NF1: variants seen among roughly 807,000 people sequenced by gnomAD.
NF1 encodes the protein neurofibromin 1, also known as neurofibromin.
NF1 carries 122 observed loss-of-function variants against 325.7 expected under a neutral mutation model. The ratio of observed to expected loss-of-function variants is 0.37; its 90% CI spans 0.32 to 0.44. NF1 has a LOEUF of 0.44. Among genes scored for constraint, NF1 ranks in the 20% least tolerant of loss-of-function variants. NF1 has a pLI of 1.00. For missense variants in NF1, 2,140 were observed against 3,415.4 expected (o/e 0.63, Z 9.31); for synonymous variants, 1,091 against 1,186.0 (o/e 0.92, Z 1.65).
intron 48 of NF1, among the ~76,000 whole-genome samples, chr17:31,345,046 C>T (rs755949484): frequency 3.9e-5 from 6 of 152,174 alleles, no homozygotes; most frequent in Non-Finnish European, 5.9e-5. Context: ...TCGCTTGAAC[C>T]TGGGAGGCAG....
intron 7 of NF1, 136 bp from the exon 8 acceptor site, chr17:31,182,372 G>T: frequency 2.7e-6 from 2 of 738,164 alleles, no homozygotes; most frequent in Non-Finnish European, 4.6e-6. Context: ...ATGCATTTGT[G>T]TAGTTGCTTA....
intron 36 of NF1, chr17:31,295,707 G>C: frequency 6.2e-7 from 1 of 1,614,158 alleles, no homozygotes. Context: ...TCAAAAGATT[G>C]GTCTGGAATG....
At chr17:31,366,181 C>G (rs1258577450) in intron 57 of NF1, among the ~76,000 whole-genome samples, 1 of 152,124 alleles carries the variant, frequency 6.6e-6, no homozygotes, top group Non-Finnish European at 1.5e-5. Context: ...GATCCTCCCA[C>G]CTCCACCTCC....
intron 29 of NF1, 152 bp from the exon 30 acceptor site, chr17:31,248,832 T>TTTC (rs2067444739): frequency 1.2e-5 from 3 of 242,682 alleles, no homozygotes; most frequent in Middle Eastern, 1.4e-3. Flanking sequence ...CAAAGTTGTC[T>TTTC]TTTTTTTTTT....
rs2151582498 is a variant in NF1, at chr17:31,357,070, G to C, written c.7849G>C (p.Ala2617Pro). 1.2e-6 allele frequency: 2 copies of C among 1,613,660 alleles called. No individual in the cohort carries two copies. Among genetic ancestry groups the C allele is most frequent in the Non-Finnish European group, 1.7e-6 (2 of 1,179,948 alleles). The change falls in exon 53 of 58, where the codon GCG becomes CCG. Residue 2617 changes from alanine to proline, a missense_variant. By Grantham distance (27) the Ala-to-Pro change is conservative. Around this residue, in one of 10 missense-constraint regions of NF1, gnomAD observed 522 missense variants for 749.0 expected, o/e 0.70. Transcript: ENST00000358273. ...EEVLTDPKIQ[A>P]LLLTVLATLV... The stretch of plus-strand genomic sequence containing the variant: ...AGTACTTACTGATCCGAAGATCCAG[G>C]CGCTGCTTCTTACTGTTCTAGTAAG...
chr17:31,257,299 A>C (rs1282978447), intron 31 of NF1, among the ~76,000 whole-genome samples: 1 of 152,208 alleles, frequency 6.6e-6, no homozygotes, highest in Non-Finnish European at 1.5e-5. Context: ...GCTACTTTAA[A>C]CAGCAGTTTA....
intron 57 of NF1, chr17:31,362,377 T>C: frequency 1.0e-6 from 1 of 983,138 alleles, no homozygotes. Context: ...AATTTAGTTT[T>C]AGGCTCACAA....
At position 31,235,954 on chromosome 17, in the gene NF1, CCTTTATT is replaced by C; in HGVS notation, c.3908_3914del (p.Pro1303HisfsTer4). 1 of 1,613,994 alleles carries C rather than the reference CCTTTATT, an allele frequency of 6.2e-7. No homozygotes were observed. The highest frequency in any genetic ancestry group is 1.1e-5 in the South Asian group (1 of 91,058). ...TACCTATCTACAAAAACTCCTGGAT[CCTTTATT>C]ACGAATTGTGATCACATCCTCTGAT... On this transcript the variant is annotated frameshift_variant, in exon 29 of 58. Transcript: ENST00000358273. LOFTEE classifies it high-confidence loss of function.
In NF1 at chr17:31,232,780, G is replaced by A. The variant is rs778920556; in HGVS notation, c.3395G>A (p.Arg1132His). The change falls in exon 26 of 58, where the codon CGT becomes CAT. Residue 1132 changes from arginine (R) to histidine (H), a missense_variant. By Grantham distance (29) the Arg-to-His change is conservative. Transcript: ENST00000358273. ...AGTGCGCAAACAGGTGGCAGGAAAC[G>A]TGGCATGTCTCGGAGGCTGGCATCA... ...DESAQTGGRK[R>H]GMSRRLASLR... The A allele has an allele frequency of 5.5e-5, 88 of 1,613,904 alleles. 1 individual carries two copies. The South Asian group carries it at 8.7e-4, about 16-fold the overall frequency.
At chr17:31,288,272 C>A (rs780734995) in intron 36 of NF1, among the ~76,000 whole-genome samples, 9 of 151,978 alleles carry the variant, frequency 5.9e-5, no homozygotes, top group Non-Finnish European at 1.0e-4. Context: ...GGCTGTTGAA[C>A]CAAACTGACA....
chr17:31,338,799 T>G lies in NF1; in HGVS notation c.6915T>G (p.Leu2305=). Residue 2305 remains leucine, a synonymous_variant, in exon 46 of 58, where the codon CTT becomes CTG. Transcript: ENST00000358273. ...VIALTKLQPL[L]NKDSPLHKAL... Reference sequence around the variant, plus strand: ...CACTAACCAAATTACAGCCACTTCTTAATAAGGTAATTACTGTATAGAAAA... The same window carrying G: ...CACTAACCAAATTACAGCCACTTCTGAATAAGGTAATTACTGTATAGAAAA... 6.3e-7 allele frequency: 1 copy of G among 1,595,070 alleles called. No homozygotes were observed. Among genetic ancestry groups the G allele is most frequent in the African/African-American group, 1.3e-5 (1 of 74,692 alleles).
At chr17:31,178,256 T>C (rs1482786009) in intron 5 of NF1, among the ~76,000 whole-genome samples, 1 of 152,162 alleles carries the variant, frequency 6.6e-6, no homozygotes, top group Non-Finnish European at 1.5e-5. Flanking sequence ...GAATTTCATA[T>C]CCAGGCAAAC....
chr17:31,231,035 C>G, intron 24 of NF1, 110 bp downstream of exon 24: 1 of 839,008 alleles, frequency 1.2e-6, no homozygotes, highest in South Asian at 1.5e-5. Context: ...TTTGAGATGT[C>G]AAACTTTTGT....
chr17:31,304,438 A>T (rs998114370), intron 36 of NF1: 1 of 1,614,174 alleles, frequency 6.2e-7, no homozygotes, highest in Admixed American at 1.7e-5. Context: ...TGATTGTATT[A>T]TCTCAGATTT....
At chr17:31,271,042 A>G (rs747407106) in intron 36 of NF1, among the ~76,000 whole-genome samples, 71 of 152,232 alleles carry the variant, frequency 4.7e-4, no homozygotes, top group Admixed American at 9.8e-4. Context: ...TAGCACAACT[A>G]GTAAGAATCA....
At chr17:31,215,727 T>C (rs1310882928) in intron 13 of NF1, among the ~76,000 whole-genome samples, 1 of 152,240 alleles carries the variant, frequency 6.6e-6, no homozygotes, top group African/African-American at 2.4e-5. Context: ...CTTCAGTCCC[T>C]GGAGAGCAGC....
At chr17:31,162,061 C>T (rs1396404677) in intron 3 of NF1, among the ~76,000 whole-genome samples, 3 of 125,516 alleles carry the variant, frequency 2.4e-5, no homozygotes, top group Admixed American at 1.6e-4. Context: ...AAAAAAAGAA[C>T]GAAAATATAC....
intron 56 of NF1, chr17:31,360,277 G>T: frequency 1.7e-6 from 1 of 577,672 alleles, no homozygotes; most frequent in African/African-American, 1.9e-5. Context: ...GAAAATGCAG[G>T]TTCATCTGGA....
At chr17:31,321,353 G>C (rs1401538559) in intron 36 of NF1, 1 of 150,708 alleles carries the variant, frequency 6.6e-6, no homozygotes, top group East Asian at 1.9e-4. Context: ...TAACAGGACA[G>C]AAAAAAAAAG....
Sources: gnomAD v4.1 joint callset for allele counts (sites outside exome capture counted in the v4.1 genomes callset) on GRCh38, gnomAD v4.1.1 for gene constraint, gnomAD v4.1.1 regional missense constraint, MANE v1.5 for transcripts, NCBI Gene and HGNC (gene_info 2026-07-23, HGNC 2026-07-21) for gene names.